The following CHRM3 variants were observed in gnomAD, a reference collection of about 807,000 sequenced individuals.
The protein encoded by CHRM3 is cholinergic receptor muscarinic 3.
Under a neutral mutation model 41.8 loss-of-function variants are expected in CHRM3, and 11 were observed. The observed-to-expected ratio is 0.26, with a 90% CI of 0.17 to 0.44. The LOEUF (loss-of-function observed/expected upper bound fraction) is 0.44. Ranked by LOEUF, CHRM3 falls within the 20% of genes least tolerant of loss-of-function variation. The pLI is 1.00. For synonymous variants in CHRM3, 297 were observed against 301.4 expected (o/e 0.99, Z 0.15); for missense variants, 571 against 745.4 (o/e 0.77, Z 2.72).
At position 239,642,092 on chromosome 1, in the gene CHRM3, C is replaced by A. The variant is rs1401150306; in HGVS notation, c.-250+9806C>A. ...TTTCTTTAAGAATGTTGAATATTGG[C>A]CCCCACTCTCTTCTGGCTTGTAGAG... On this transcript the variant is annotated intron_variant, in intron 4 of 6. Transcript: ENST00000676153. Among the ~76,000 whole-genome samples the A allele has an allele frequency of 3.2e-5, 4 of 125,950 alleles. No individual in the cohort carries two copies. In the Admixed American group the frequency reaches 3.2e-4, roughly 10 times the overall value. The allele number at this position is 125,950 out of a possible 152,430, so 82.6% of individuals were successfully genotyped here. A position where few individuals can be genotyped will look rare whatever the true frequency, so the allele number is the denominator to read the frequency against.
At chr1:239,491,919 A>G (rs1667580469) in intron 1 of CHRM3, among the ~76,000 whole-genome samples, 1 of 152,218 alleles carries the variant, frequency 6.6e-6, no homozygotes, top group African/African-American at 2.4e-5. Flanking sequence ...TGAAGCAAGT[A>G]CAACATCAAA....
intron 1 of CHRM3, among the ~76,000 whole-genome samples, chr1:239,452,326 A>G (rs1426617133): frequency 6.6e-6 from 1 of 152,214 alleles, no homozygotes; most frequent in Non-Finnish European, 1.5e-5. Context: ...TTATTACCCA[A>G]CCATGAATAT....
chr1:239,754,167 T>C (rs1008247215), intron 5 of CHRM3, among the ~76,000 whole-genome samples: 10 of 152,226 alleles, frequency 6.6e-5, no homozygotes, highest in Admixed American at 3.9e-4. Flanking sequence ...CAGAGACTTA[T>C]ATGCAAACGT....
rs185880235 is a variant in CHRM3 at position 239,632,996 on chromosome 1, G to C, written c.-250+710G>C. Among the ~76,000 whole-genome samples the C allele has an allele frequency of 2.3e-3, 354 of 152,302 alleles. 3 individuals are homozygous for C. Among genetic ancestry groups the C allele is most frequent in the African/African-American group, 8.2e-3 (339 of 41,568 alleles). Reference sequence around the variant, plus strand: ...TGTCTTTTTTGTTTGTTTTTGAGACGGAGTCTCGCTCTGTCACCCAGGCTG... The same window carrying C: ...TGTCTTTTTTGTTTGTTTTTGAGACCGAGTCTCGCTCTGTCACCCAGGCTG... On this transcript the variant is annotated intron_variant, in intron 4 of 6. Transcript: ENST00000676153.
chr1:239,782,629 T>A (rs1323462539), intron 5 of CHRM3, among the ~76,000 whole-genome samples: 1 of 152,116 alleles, frequency 6.6e-6, no homozygotes, highest in Non-Finnish European at 1.5e-5. Context: ...CTGCTCCATT[T>A]ATTATTATTT....
At chr1:239,775,233 T>A (rs1458795998) in intron 5 of CHRM3, among the ~76,000 whole-genome samples, 1 of 152,206 alleles carries the variant, frequency 6.6e-6, no homozygotes, top group Admixed American at 6.5e-5. Flanking sequence ...AATTTTATCT[T>A]TGACATTCAT....
intron 1 of CHRM3, among the ~76,000 whole-genome samples, chr1:239,485,996 A>C (rs1028030762): frequency 6.6e-6 from 1 of 152,194 alleles, no homozygotes; most frequent in African/African-American, 2.4e-5. Context: ...ACTCTCATTA[A>C]CTTACTCCTG....
intron 5 of CHRM3, among the ~76,000 whole-genome samples, chr1:239,804,128 A>C (rs566415824): frequency 8.5e-4 from 130 of 152,324 alleles, no homozygotes; most frequent in African/African-American, 3.0e-3. Context: ...TGACAGGTTT[A>C]TGATTTTACT....
chr1:239,841,154 A>G (rs1673763863), intron 6 of CHRM3, among the ~76,000 whole-genome samples: 1 of 152,248 alleles, frequency 6.6e-6, no homozygotes, highest in Admixed American at 6.5e-5. Context: ...TCACTGGTCC[A>G]TAAAAGTTGA....
chr1:239,681,401 G>A (rs1244827808), intron 5 of CHRM3, among the ~76,000 whole-genome samples: 2 of 152,168 alleles, frequency 1.3e-5, no homozygotes, highest in African/African-American at 2.4e-5. Flanking sequence ...GAAGCTAAGT[G>A]GAAATTTGGG....
chr1:239,712,625 C>T (rs973642520), intron 5 of CHRM3, among the ~76,000 whole-genome samples: 2 of 152,184 alleles, frequency 1.3e-5, no homozygotes, highest in African/African-American at 4.8e-5. Context: ...CGCATTTCCT[C>T]GAATACTTGC....
intron 5 of CHRM3, among the ~76,000 whole-genome samples, chr1:239,794,451 G>A (rs1273552529): frequency 7.4e-6 from 1 of 136,002 alleles, no homozygotes; most frequent in Non-Finnish European, 1.5e-5. Context: ...ATGATTTACT[G>A]TATATCATTG....
At chr1:239,537,804 C>T (rs1012237499) in intron 2 of CHRM3, among the ~76,000 whole-genome samples, 1 of 152,116 alleles carries the variant, frequency 6.6e-6, no homozygotes, top group Non-Finnish European at 1.5e-5. Flanking sequence ...TAGTTTCACT[C>T]CTGAAAATCA....
chr1:239,796,647 G>A (rs911530338), intron 5 of CHRM3, among the ~76,000 whole-genome samples: 3 of 152,068 alleles, frequency 2.0e-5, no homozygotes, highest in Admixed American at 6.6e-5. Context: ...TTGTAGGAAA[G>A]GCCAGTTCCC....
chr1:239,754,878 T>C (rs113307601), intron 5 of CHRM3, among the ~76,000 whole-genome samples: 6 of 152,292 alleles, frequency 3.9e-5, no homozygotes, highest in African/African-American at 1.4e-4. Flanking sequence ...GAAGATTTTC[T>C]TCCATAATTT....
chr1:239,532,567 G>A (rs1166418038), intron 2 of CHRM3, among the ~76,000 whole-genome samples: 3 of 149,928 alleles, frequency 2.0e-5, no homozygotes, highest in Admixed American at 1.3e-4. Flanking sequence ...AGAGGTTGCA[G>A]TGAGTCGAGG....
chr1:239,884,654 GA>G (rs1677919603), intron 6 of CHRM3, among the ~76,000 whole-genome samples: 1 of 152,136 alleles, frequency 6.6e-6, no homozygotes, highest in South Asian at 2.1e-4. Flanking sequence ...GAAAGGGTAG[GA>G]AAAATGGCTC....
At chr1:239,746,882 C>T (rs867980345) in intron 5 of CHRM3, among the ~76,000 whole-genome samples, 22 of 151,948 alleles carry the variant, frequency 1.4e-4, no homozygotes, top group Admixed American at 6.6e-4. Flanking sequence ...CTCAGCCTCC[C>T]GAGTAGCTGG....
chr1:239,843,331 G>A (rs961897209), intron 6 of CHRM3, among the ~76,000 whole-genome samples: 2 of 151,830 alleles, frequency 1.3e-5, no homozygotes, highest in Admixed American at 6.6e-5. Flanking sequence ...AGCTCCCAGG[G>A]ACCCATGCTG....
Sources: gnomAD v4.1 joint callset for allele counts (sites outside exome capture counted in the v4.1 genomes callset) on GRCh38, gnomAD v4.1.1 for gene constraint, MANE v1.5 for transcripts, NCBI Gene and HGNC (gene_info 2026-07-23, HGNC 2026-07-21) for gene names.